The following KCNQ3 variants were observed in gnomAD, a reference collection of about 807,000 sequenced individuals.
KCNQ3 encodes the protein potassium voltage-gated channel subfamily Q member 3.
In KCNQ3, 30 loss-of-function variants were observed where a neutral mutation model predicts 92.5. The ratio of observed to expected loss-of-function variants is 0.32; its 90% CI spans 0.24 to 0.44. The LOEUF is 0.44. Among genes scored for constraint, KCNQ3 ranks in the 20% least tolerant of loss-of-function variants. The pLI is 1.00. For missense variants in KCNQ3, 913 were observed against 1,140.3 expected (o/e 0.80, Z 2.87); for synonymous variants, 450 against 468.8 (o/e 0.96, Z 0.52).
At chr8:132,170,073 A>T (rs1033403562) in intron 8 of KCNQ3, among the ~76,000 whole-genome samples, 1 of 151,922 alleles carries the variant, frequency 6.6e-6, no homozygotes, top group African/African-American at 2.4e-5. Flanking sequence ...GGATTTCACC[A>T]TGTTGGCCAG....
chr8:132,156,704 G>T (rs956051541), intron 9 of KCNQ3, among the ~76,000 whole-genome samples: 1 of 152,168 alleles, frequency 6.6e-6, no homozygotes, highest in Admixed American at 6.5e-5. Flanking sequence ...AACACAGAGG[G>T]TTAAATTGTG....
chr8:132,373,728 G>C (rs1819536159), intron 1 of KCNQ3, among the ~76,000 whole-genome samples: 3 of 152,098 alleles, frequency 2.0e-5, no homozygotes. Flanking sequence ...ACTGGACAAA[G>C]CTTAGCACCT....
chr8:132,137,072 T>TGTTG (rs989107957), intron 12 of KCNQ3, among the ~76,000 whole-genome samples: 2 of 151,146 alleles, frequency 1.3e-5, no homozygotes, highest in Non-Finnish European at 2.9e-5. Context: ...GGTTTCACCA[T>TGTTG]GTTGGTCAGG....
At chr8:132,337,298 G>A (rs1313981778) in intron 1 of KCNQ3, among the ~76,000 whole-genome samples, 2 of 152,128 alleles carry the variant, frequency 1.3e-5, no homozygotes, top group Non-Finnish European at 2.9e-5. Context: ...AGACCAGCAT[G>A]AGCAATAAAG....
intron 1 of KCNQ3, among the ~76,000 whole-genome samples, chr8:132,328,386 T>G (rs1818124282): frequency 6.6e-6 from 1 of 152,102 alleles, no homozygotes; most frequent in African/African-American, 2.4e-5. Context: ...ATCCTTCACC[T>G]TCGGCAGGCC....
In KCNQ3 at chr8:132,247,525, G is replaced by A. The variant is rs559112652; in HGVS notation, c.387-61344C>T. ...AATATGGCCGGGTGCAGTGGCTCAC[G>A]CCTGTAATCTCAGCACTTTCAGAGG... On this transcript the variant is annotated intron_variant, in intron 1 of 14. Transcript: ENST00000388996. Among the ~76,000 whole-genome samples, 5 of 152,178 alleles carry A rather than the reference G, an allele frequency of 3.3e-5. No individual in the cohort carries two copies. The East Asian group carries it at 9.7e-4, about 29-fold the overall frequency.
At chr8:132,183,762 T>C (rs1420742232) in intron 3 of KCNQ3, among the ~76,000 whole-genome samples, 1 of 152,212 alleles carries the variant, frequency 6.6e-6, no homozygotes, top group African/African-American at 2.4e-5. Context: ...GAAAAATGAC[T>C]CAGATCTGTG....
intron 1 of KCNQ3, among the ~76,000 whole-genome samples, chr8:132,458,798 G>C (rs1822000237): frequency 6.6e-6 from 1 of 152,336 alleles, no homozygotes; most frequent in Non-Finnish European, 1.5e-5. Flanking sequence ...CTGTAGTACA[G>C]AATTCCCATA....
At chr8:132,192,542 T>A (rs928348229) in intron 1 of KCNQ3, among the ~76,000 whole-genome samples, 1 of 152,138 alleles carries the variant, frequency 6.6e-6, no homozygotes, top group African/African-American at 2.4e-5. Context: ...CCTGCTTTGG[T>A]TTCCTCTCTC....
chr8:132,140,795 T>C lies in KCNQ3; in HGVS notation c.1465+334A>G, dbSNP rs1825268362. 2.3e-5 allele frequency: 8 copies of C among 355,272 alleles called. No homozygotes were observed. In the South Asian group the frequency reaches 2.4e-4, roughly 11 times the overall value. The allele number at this position is 355,272 out of a possible 1,614,324, so 22.0% of individuals were successfully genotyped here. On this transcript the variant is annotated intron_variant, in intron 10 of 14. Transcript: ENST00000388996. Reference sequence around the variant, plus strand: ...CCGTGCCCTGGTCTCTAAATTGCTTTGCACCTGGCACCGCCCCATCCTTCA... The same window carrying C: ...CCGTGCCCTGGTCTCTAAATTGCTTCGCACCTGGCACCGCCCCATCCTTCA...
At chr8:132,142,581 C>T (rs187916567) in intron 9 of KCNQ3, among the ~76,000 whole-genome samples, 9 of 152,142 alleles carry the variant, frequency 5.9e-5, no homozygotes, top group Non-Finnish European at 7.3e-5. Flanking sequence ...TGCCACATTG[C>T]GTGTTTTCGC....
intron 1 of KCNQ3, among the ~76,000 whole-genome samples, chr8:132,378,248 G>C (rs1819661717): frequency 6.6e-6 from 1 of 152,002 alleles, no homozygotes. Flanking sequence ...ACAAAAATTA[G>C]CCAAGCAAGG....
chr8:132,328,196 G>T (rs752663009), intron 1 of KCNQ3, among the ~76,000 whole-genome samples: 3 of 152,070 alleles, frequency 2.0e-5, no homozygotes, highest in Non-Finnish European at 4.4e-5. Flanking sequence ...TAAGGCACGG[G>T]CTTCCCATCA....
rs747553926 is a variant in KCNQ3 at position 132,141,177 on chromosome 8, G to A, written c.1417C>T (p.Arg473Cys). The A allele has an allele frequency of 3.7e-6, 6 of 1,614,120 alleles. No homozygotes were observed. Among genetic ancestry groups the A allele is most frequent in the East Asian group, 4.5e-5 (2 of 44,876 alleles). ...TAGGCTTTCATGCGGAAGGCCGTGC[G>A]GAAACGCTCTTTATTGTTTAAGCCA... ...PVGLNNKERF[R>C]TAFRMKAYAF... The change falls in exon 10 of 15, where the codon CGC (arginine) becomes TGC (cysteine). Residue 473 changes from arginine (R) to cysteine (C), a missense_variant. This residue lies in a region of KCNQ3 where 182 missense variants were observed against 234.5 expected (regional missense o/e 0.78). Transcript: ENST00000388996.
intron 1 of KCNQ3, among the ~76,000 whole-genome samples, chr8:132,366,533 CTTG>C (rs967841122): frequency 1.3e-5 from 2 of 152,064 alleles, no homozygotes; most frequent in African/African-American, 2.4e-5. Context: ...TCCTTTTTTA[CTTG>C]AATTCCCCTC....
intron 1 of KCNQ3, among the ~76,000 whole-genome samples, chr8:132,233,139 C>G (rs1814694846): frequency 6.6e-6 from 1 of 152,148 alleles, no homozygotes; most frequent in Non-Finnish European, 1.5e-5. Context: ...CAATAGTAAC[C>G]CTTCCTAATT....
At chr8:132,160,548 A>G (rs1165155305) in intron 9 of KCNQ3, among the ~76,000 whole-genome samples, 1 of 152,226 alleles carries the variant, frequency 6.6e-6, no homozygotes, top group African/African-American at 2.4e-5. Flanking sequence ...TAACAGGTGT[A>G]TATGTAAATA....
chr8:132,218,036 G>A (rs766310288), intron 1 of KCNQ3, among the ~76,000 whole-genome samples: 4 of 152,166 alleles, frequency 2.6e-5, no homozygotes, highest in Non-Finnish European at 5.9e-5. Flanking sequence ...ATTTTTAATA[G>A]AGGATGGAAA....
intron 9 of KCNQ3, among the ~76,000 whole-genome samples, chr8:132,144,286 A>T (rs1286432627): frequency 6.6e-6 from 1 of 152,218 alleles, no homozygotes; most frequent in African/African-American, 2.4e-5. Context: ...GGCTTATGGA[A>T]TTCTTCCTCC....
Sources: gnomAD v4.1 joint callset for allele counts (sites outside exome capture counted in the v4.1 genomes callset) on GRCh38, gnomAD v4.1.1 for gene constraint, gnomAD v4.1.1 regional missense constraint, MANE v1.5 for transcripts, NCBI Gene and HGNC (gene_info 2026-07-23, HGNC 2026-07-21) for gene names.